CARMIL1: variants seen among roughly 807,000 people sequenced by gnomAD.
CARMIL1 encodes F-actin-uncapping protein LRRC16A.
A neutral mutation model predicts 177.1 loss-of-function variants in CARMIL1; 90 were observed. That is an observed-to-expected ratio of 0.51 (90% CI 0.43 to 0.61). The LOEUF is 0.61. CARMIL1 is among the 20% of genes least tolerant of loss of function. CARMIL1 has a pLI of 0.00. For synonymous variants in CARMIL1, 577 were observed against 606.2 expected (o/e 0.95, Z 0.71); for missense variants, 1,380 against 1,667.0 (o/e 0.83, Z 3.00).
At chr6:25,540,182 C>A in intron 26 of CARMIL1, 104 bp downstream of exon 26, 1 of 1,074,992 alleles carries the variant, frequency 9.3e-7, no homozygotes, top group Non-Finnish European at 1.3e-6. Context: ...TGTATGTGTG[C>A]ATGCTGCAAA....
chr6:25,419,699 G>A (rs1417568323), intron 2 of CARMIL1, among the ~76,000 whole-genome samples: 1 of 152,184 alleles, frequency 6.6e-6, no homozygotes, highest in East Asian at 1.9e-4. Context: ...GGCAAAGGTG[G>A]GAGGTGTTTG....
intron 9 of CARMIL1, among the ~76,000 whole-genome samples, chr6:25,469,466 T>C (rs1359889869): frequency 6.6e-6 from 1 of 152,208 alleles, no homozygotes; most frequent in African/African-American, 2.4e-5. Flanking sequence ...TTTCTCTCAC[T>C]CTTTTTTCTA....
chr6:25,557,434 T>C (rs1810726158), intron 29 of CARMIL1, among the ~76,000 whole-genome samples: 1 of 152,198 alleles, frequency 6.6e-6, no homozygotes. Context: ...ATTTAGGTTG[T>C]TAATACCTTT....
intron 33 of CARMIL1, among the ~76,000 whole-genome samples, chr6:25,604,484 T>C (rs1815743420): frequency 6.6e-6 from 1 of 152,102 alleles, no homozygotes; most frequent in Non-Finnish European, 1.5e-5. Context: ...AGAGCCTGCA[T>C]AGGTGTTCAA....
At chr6:25,396,866 A>G (rs901345728) in intron 2 of CARMIL1, among the ~76,000 whole-genome samples, 6 of 152,150 alleles carry the variant, frequency 3.9e-5, no homozygotes, top group Middle Eastern at 3.2e-3. Flanking sequence ...CAAGGGGCTC[A>G]CCCAACATTA....
intron 16 of CARMIL1, 97 bp downstream of exon 16, chr6:25,495,312 A>G (rs907914148): frequency 2.6e-6 from 2 of 775,232 alleles, no homozygotes; most frequent in African/African-American, 3.6e-5. Flanking sequence ...ATCCAAAGAC[A>G]AAAACCACAG....
At position 25,293,087 on chromosome 6, in the gene CARMIL1, G is replaced by A. The variant is rs77546044; in HGVS notation, c.138+8178G>A. On this transcript the variant is annotated intron_variant, in intron 2 of 36. Transcript: ENST00000329474. ...TTTTGTTCCCTCTCTTATCCCCTCT[G>A]CTTTCTAAAATGCTTTTTTTTTTTA... 9.4e-3 allele frequency among the ~76,000 whole-genome samples: 1,406 copies of A among 149,108 alleles called. 53 individuals are homozygous for A. Among genetic ancestry groups the A allele is most frequent in the East Asian group, 0.092 (474 of 5,148 alleles).
intron 1 of CARMIL1, among the ~76,000 whole-genome samples, chr6:25,281,144 A>G (rs557982254): frequency 0.017 from 2,244 of 130,150 alleles, 57 homozygotes; most frequent in East Asian, 0.089. Context: ...GCGCACACAC[A>G]CACACACACA....
Position 25,355,201 on chromosome 6 carries a change from T to A in CARMIL1, c.139-64913T>A, listed in dbSNP as rs190634601. On this transcript the variant is annotated intron_variant, in intron 2 of 36. Transcript: ENST00000329474. Reference sequence around the variant, plus strand: ...TAAATATACTAGAAGCTTCTGATATTATAACCACATGAATGAGCCAAGAAG... The same window carrying A: ...TAAATATACTAGAAGCTTCTGATATAATAACCACATGAATGAGCCAAGAAG... Among the ~76,000 whole-genome samples the A allele has an allele frequency of 4.0e-3, 615 of 152,308 alleles. 3 individuals carry two copies. The highest frequency in any genetic ancestry group is 0.017 in the Middle Eastern group (5 of 294).
At chr6:25,454,716 C>T (rs1799332641) in intron 8 of CARMIL1, among the ~76,000 whole-genome samples, 3 of 152,150 alleles carry the variant, frequency 2.0e-5, no homozygotes, top group Admixed American at 2.0e-4. Context: ...AGACTGTTCT[C>T]AGTCCTTTTA....
chr6:25,347,340 AT>A (rs1260988841), intron 2 of CARMIL1, among the ~76,000 whole-genome samples: 4 of 152,214 alleles, frequency 2.6e-5, no homozygotes, highest in African/African-American at 9.7e-5. Flanking sequence ...GCCATGTGAT[AT>A]TTTACCAACA....
chr6:25,304,465 G>C (rs1384471603), intron 2 of CARMIL1, among the ~76,000 whole-genome samples: 1 of 152,170 alleles, frequency 6.6e-6, no homozygotes, highest in Admixed American at 6.5e-5. Context: ...GGGATAAACT[G>C]TTCCACCTCA....
intron 9 of CARMIL1, among the ~76,000 whole-genome samples, chr6:25,468,285 G>A (rs913399832): frequency 3.3e-5 from 5 of 151,740 alleles, no homozygotes; most frequent in Admixed American, 3.3e-4. Context: ...CAGCAGAATT[G>A]GGGTCTTGCT....
At position 25,556,865 on chromosome 6, in the gene CARMIL1, C is replaced by T; in HGVS notation, c.2742+15C>T. 6.2e-7 allele frequency: 1 copy of T among 1,609,938 alleles called. No homozygotes were observed. Among genetic ancestry groups the T allele is most frequent in the Non-Finnish European group, 8.5e-7 (1 of 1,177,604 alleles). ...ATACCTGTATGGTAAGACACATCCT[C>T]TGGTGGTACCGTTACCCTTTTCACT... On this transcript the variant is annotated intron_variant, in intron 29 of 36. Transcript: ENST00000329474.
intron 15 of CARMIL1, among the ~76,000 whole-genome samples, chr6:25,494,791 A>G (rs1386706564): frequency 1.3e-5 from 2 of 152,252 alleles, no homozygotes; most frequent in Admixed American, 6.5e-5. Flanking sequence ...GGTGAGAAAT[A>G]TACATCTTCT....
intron 2 of CARMIL1, among the ~76,000 whole-genome samples, chr6:25,319,761 T>G (rs1300619437): frequency 2.3e-5 from 3 of 132,806 alleles, no homozygotes; most frequent in Non-Finnish European, 4.7e-5. Context: ...CTACATTTGG[T>G]CACTTTTTTT....
chr6:25,293,644 A>ACATAT, intron 2 of CARMIL1, among the ~76,000 whole-genome samples: 1 of 151,462 alleles, frequency 6.6e-6, no homozygotes, highest in Non-Finnish European at 1.5e-5. Context: ...CTCCCCAAGT[A>ACATAT]GTGGGGTTAC....
Position 25,544,640 on chromosome 6 carries a change from CACACA to C in CARMIL1, c.2328+4563_2328+4567del, listed in dbSNP as rs1562270793. ...ACACACACACACACACACACACACA[CACACA>C]CCCCAAACACTAAAGGATATACTTT... On this transcript the variant is annotated intron_variant, in intron 26 of 36. Coordinates refer to ENST00000329474, the MANE Select transcript of CARMIL1 (RefSeq NM_017640.6). Among the ~76,000 whole-genome samples the C allele has an allele frequency of 1.1e-3, 165 of 149,438 alleles. 1 individual carries two copies. Among genetic ancestry groups the C allele is most frequent in the Admixed American group, 3.8e-3 (57 of 15,132 alleles).
chr6:25,519,852 C>A (rs773553772), intron 22 of CARMIL1, among the ~76,000 whole-genome samples: 3 of 152,140 alleles, frequency 2.0e-5, no homozygotes. Context: ...ACTGTGGGGA[C>A]CCAGGTAGAG....
Sources: gnomAD v4.1 joint callset for allele counts (sites outside exome capture counted in the v4.1 genomes callset) on GRCh38, gnomAD v4.1.1 for gene constraint, MANE v1.5 for transcripts, NCBI Gene and HGNC (gene_info 2026-07-23, HGNC 2026-07-21) for gene names.